The following STARD13 variants were observed in gnomAD, a reference collection of about 807,000 sequenced individuals.
The protein encoded by STARD13 is stAR-related lipid transfer protein 13.
Under a neutral mutation model 106.4 loss-of-function variants are expected in STARD13, and 62 were observed. That is an observed-to-expected ratio of 0.58 (90% CI 0.48 to 0.72). The LOEUF (loss-of-function observed/expected upper bound fraction) is 0.72, where lower values mean the gene tolerates loss of function less well. Among genes scored for constraint, STARD13 ranks in the 30% least tolerant of loss-of-function variants. The pLI, the probability that STARD13 is intolerant of heterozygous loss-of-function variation, is 0.00. For missense variants in STARD13, 1,387 were observed against 1,424.0 expected, an observed-to-expected ratio of 0.97 and a Z score of 0.42; for synonymous variants, 565 against 553.0, an observed-to-expected ratio of 1.02 and a Z score of -0.31.
the STARD13 span, among the ~76,000 whole-genome samples, chr13:33,390,440 C>T: frequency 6.6e-6 from 1 of 152,180 alleles, no homozygotes; most frequent in Non-Finnish European, 1.5e-5. Context: ...ACTAGGAATT[C>T]CAAGAGCACC....
intron 1 of STARD13, among the ~76,000 whole-genome samples, chr13:33,193,565 A>G (rs570285135): frequency 1.3e-5 from 2 of 152,208 alleles, no homozygotes; most frequent in Non-Finnish European, 2.9e-5. Context: ...GAAGCTTAGA[A>G]CACAACCAGC....
chr13:33,140,153 C>G (rs1461304493), intron 4 of STARD13, among the ~76,000 whole-genome samples: 2 of 152,204 alleles, frequency 1.3e-5, no homozygotes, highest in Non-Finnish European at 2.9e-5. Flanking sequence ...GTTATTCAAG[C>G]CCATCTCGCC....
intron 1 of STARD13, among the ~76,000 whole-genome samples, chr13:33,291,665 G>T (rs1404728394): frequency 1.3e-5 from 2 of 152,062 alleles, no homozygotes; most frequent in Admixed American, 6.6e-5. Context: ...TGTTCTCAAG[G>T]GACTGTCTGC....
chr13:33,505,927 C>T, the STARD13 span, among the ~76,000 whole-genome samples: 2 of 152,206 alleles, frequency 1.3e-5, no homozygotes, highest in East Asian at 1.9e-4. Context: ...CTTTATACTA[C>T]TGAGATGTCA....
chr13:33,310,675 C>G lies in STARD13; in HGVS notation c.124+39615G>C, dbSNP rs955658225. 2.0e-5 allele frequency among the ~76,000 whole-genome samples: 3 copies of G among 152,064 alleles called. No homozygotes were observed. In the South Asian group the frequency reaches 6.2e-4, roughly 32 times the overall value. On this transcript the variant is annotated intron_variant, in intron 1 of 5. Coordinates refer to the STARD13 transcript ENST00000567873. Reference sequence around the variant, plus strand: ...TATATATTGAATTTTAATATATAATCTTTTCACCTTCTACTCATTGTGTAT... The same window carrying G: ...TATATATTGAATTTTAATATATAATGTTTTCACCTTCTACTCATTGTGTAT...
chr13:33,150,653 T>C (rs965759181), intron 3 of STARD13, among the ~76,000 whole-genome samples: 15 of 152,236 alleles, frequency 9.9e-5, no homozygotes, highest in Non-Finnish European at 1.6e-4. Flanking sequence ...TGGCACATGA[T>C]GAAGCCTGTC....
chr13:33,566,828 A>G, the STARD13 span, among the ~76,000 whole-genome samples: 5 of 148,038 alleles, frequency 3.4e-5, no homozygotes, highest in Non-Finnish European at 6.0e-5. Context: ...CCATCCTTCC[A>G]TAGTCAGTTT....
chr13:33,141,735 G>T (rs573716172), intron 4 of STARD13, among the ~76,000 whole-genome samples: 1 of 152,002 alleles, frequency 6.6e-6, no homozygotes, highest in Non-Finnish European at 1.5e-5. Flanking sequence ...GAAGTCACTC[G>T]CCATGGACCC....
At chr13:33,474,101 T>G in the STARD13 span, among the ~76,000 whole-genome samples, 1 of 152,180 alleles carries the variant, frequency 6.6e-6, no homozygotes, top group African/African-American at 2.4e-5. Context: ...CAGTATTCTT[T>G]GGAATCTGGA....
chr13:33,539,944 T>G, the STARD13 span, among the ~76,000 whole-genome samples: 1 of 152,232 alleles, frequency 6.6e-6, no homozygotes, highest in Non-Finnish European at 1.5e-5. Flanking sequence ...GTCATACGCA[T>G]AGTATGTAAA....
rs552771704 is a variant in STARD13 at position 33,206,426 on chromosome 13, G to T, written c.170-38804C>A. Among the ~76,000 whole-genome samples the T allele has an allele frequency of 1.4e-3, 219 of 151,742 alleles. 1 individual carries two copies. Among genetic ancestry groups the T allele is most frequent in the African/African-American group, 5.0e-3 (209 of 41,420 alleles). On this transcript the variant is annotated intron_variant, in intron 1 of 13. Transcript: ENST00000336934. Reference sequence around the variant, plus strand: ...AAATAATTTTTAATCTGTTAATACTGTGCAAACCAATTCCAAGGAGAAAAC... The same window carrying T: ...AAATAATTTTTAATCTGTTAATACTTTGCAAACCAATTCCAAGGAGAAAAC...
At chr13:33,443,623 C>T in the STARD13 span, among the ~76,000 whole-genome samples, 1 of 152,034 alleles carries the variant, frequency 6.6e-6, no homozygotes, top group Non-Finnish European at 1.5e-5. Context: ...TGGTGGCTCA[C>T]GCCTGTAATC....
At chr13:33,359,011 C>A in the STARD13 span, among the ~76,000 whole-genome samples, 1 of 152,194 alleles carries the variant, frequency 6.6e-6, no homozygotes, top group Non-Finnish European at 1.5e-5. Context: ...AGGCACCAAT[C>A]AGCGCCCTGA....
chr13:33,307,591 G>A (rs185101411), intron 1 of STARD13, among the ~76,000 whole-genome samples: 1 of 152,276 alleles, frequency 6.6e-6, no homozygotes, highest in East Asian at 1.9e-4. Flanking sequence ...TCTCACTTAT[G>A]AGTGGGAGCT....
the STARD13 span, among the ~76,000 whole-genome samples, chr13:33,627,500 G>A: frequency 7.8e-3 from 1,191 of 152,140 alleles, 12 homozygotes; most frequent in African/African-American, 0.027. Flanking sequence ...GGCCGAGTGC[G>A]GTGGCGGGCA....
At chr13:33,372,096 T>G in the STARD13 span, among the ~76,000 whole-genome samples, 1 of 152,222 alleles carries the variant, frequency 6.6e-6, no homozygotes, top group East Asian at 1.9e-4. Flanking sequence ...GGTTAGTGAA[T>G]GAGTCTACAA....
At chr13:33,107,306 T>G (rs1375396659) in intron 12 of STARD13, among the ~76,000 whole-genome samples, 1 of 152,144 alleles carries the variant, frequency 6.6e-6, no homozygotes, top group East Asian at 1.9e-4. Flanking sequence ...CAGATAGACA[T>G]GCCAGTCTCT....
chr13:33,430,758 AT>A, the STARD13 span, among the ~76,000 whole-genome samples: 27 of 152,202 alleles, frequency 1.8e-4, no homozygotes, highest in Admixed American at 1.8e-3. Flanking sequence ...AAATCCTGTC[AT>A]TTGCAGTAAC....
chr13:33,239,046 G>A (rs1430865023), intron 1 of STARD13, among the ~76,000 whole-genome samples: 1 of 150,548 alleles, frequency 6.6e-6, no homozygotes, highest in Non-Finnish European at 1.5e-5. Context: ...CTCCCCCCCA[G>A]CCACTGACAG....
Sources: gnomAD v4.1 joint callset for allele counts (sites outside exome capture counted in the v4.1 genomes callset) on GRCh38, gnomAD v4.1.1 for gene constraint, MANE v1.5 for transcripts, NCBI Gene and HGNC (gene_info 2026-07-23, HGNC 2026-07-21) for gene names.